Variants in TENM4 observed in about 807,000 individuals in gnomAD.
TENM4 encodes teneurin-4.
Under a neutral mutation model 243.3 loss-of-function variants are expected in TENM4, and 82 were observed. That is an observed-to-expected ratio of 0.34 (90% CI 0.28 to 0.40). The LOEUF is 0.40. TENM4 is among the 10% of genes least tolerant of loss of function. The pLI is 1.00. For missense variants in TENM4, 3,138 were observed against 3,673.3 expected, an observed-to-expected ratio of 0.85 and a Z score of 3.77; for synonymous variants, 1,412 against 1,456.3, an observed-to-expected ratio of 0.97 and a Z score of 0.69.
chr11:78,787,785 G>C (rs1229276025), intron 15 of TENM4, among the ~76,000 whole-genome samples: 1 of 152,184 alleles, frequency 6.6e-6, no homozygotes, highest in Admixed American at 6.5e-5. Flanking sequence ...TGGTTTGGAG[G>C]GGGGCCCTTC....
intron 2 of TENM4, among the ~76,000 whole-genome samples, chr11:79,254,319 C>T (rs1197908813): frequency 6.6e-6 from 1 of 152,144 alleles, no homozygotes; most frequent in East Asian, 1.9e-4. Flanking sequence ...AAATATGCAG[C>T]AGTTAACAAG....
chr11:79,290,614 T>A (rs1446079368), intron 2 of TENM4, among the ~76,000 whole-genome samples: 7 of 150,402 alleles, frequency 4.7e-5, no homozygotes, highest in Admixed American at 4.6e-4. Context: ...TCGGTGGTGA[T>A]CAGATCCTGG....
rs912902415 is a variant in TENM4, at chr11:79,283,251, A to C, written c.-265+14237T>G. ...ACACACACACACACACACACACACA[A>C]GTACAGATGAATATCTCCCAAAAAT... On this transcript the variant is annotated intron_variant, in intron 2 of 33. Coordinates refer to ENST00000278550, the MANE Select transcript of TENM4 (RefSeq NM_001098816.3). Among the ~76,000 whole-genome samples, 3 of 138,296 alleles carry C rather than the reference A, an allele frequency of 2.2e-5. No individual in the cohort carries two copies. The East Asian group carries it at 7.0e-4, about 32-fold the overall frequency. 90.7% of individuals were successfully genotyped at this position (138,296 alleles called of 152,430 possible). A position where few individuals can be genotyped will look rare whatever the true frequency, so the allele number is the denominator to read the frequency against.
At chr11:79,141,652 T>A (rs916671534) in intron 4 of TENM4, among the ~76,000 whole-genome samples, 1 of 151,926 alleles carries the variant, frequency 6.6e-6, no homozygotes, top group African/African-American at 2.4e-5. Flanking sequence ...AGGCCAATAT[T>A]ACCCTGATAC....
intron 4 of TENM4, among the ~76,000 whole-genome samples, chr11:79,133,440 C>T (rs529272960): frequency 6.6e-6 from 1 of 152,190 alleles, no homozygotes; most frequent in African/African-American, 2.4e-5. Context: ...AGAATAGGTA[C>T]CAATCCTTTT....
intron 3 of TENM4, among the ~76,000 whole-genome samples, chr11:79,155,925 C>T (rs980686771): frequency 1.3e-5 from 2 of 151,956 alleles, no homozygotes; most frequent in African/African-American, 2.4e-5. Flanking sequence ...TTTATCCCCC[C>T]ACCCTTCCCA....
At chr11:79,330,662 A>C (rs957369230) in intron 1 of TENM4, among the ~76,000 whole-genome samples, 4 of 152,218 alleles carry the variant, frequency 2.6e-5, no homozygotes, top group Non-Finnish European at 5.9e-5. Flanking sequence ...GTCGAGAGCT[A>C]TGTGGTCCAC....
chr11:79,042,483 T>A (rs1279559607), intron 6 of TENM4, among the ~76,000 whole-genome samples: 22 of 152,320 alleles, frequency 1.4e-4, no homozygotes, highest in Non-Finnish European at 1.5e-5. Flanking sequence ...AGGGAGCTTG[T>A]TTGCTCCTTC....
chr11:79,207,581 G>A (rs1565250200), intron 3 of TENM4, among the ~76,000 whole-genome samples: 1 of 152,020 alleles, frequency 6.6e-6, no homozygotes, highest in Non-Finnish European at 1.5e-5. Context: ...GATAATACAG[G>A]TGGCGGGGTG....
At chr11:79,211,441 A>G (rs950197959) in intron 3 of TENM4, among the ~76,000 whole-genome samples, 9 of 152,220 alleles carry the variant, frequency 5.9e-5, no homozygotes, top group African/African-American at 2.2e-4. Context: ...GAGGGTCCCT[A>G]AAACCTTTCA....
chr11:79,050,673 A>G (rs1015357669), intron 6 of TENM4, among the ~76,000 whole-genome samples: 1 of 152,198 alleles, frequency 6.6e-6, no homozygotes, highest in African/African-American at 2.4e-5. Context: ...CAGGAAAGCA[A>G]TTTGTTTTGT....
At chr11:79,263,110 T>C (rs1455266370) in intron 2 of TENM4, among the ~76,000 whole-genome samples, 1 of 152,200 alleles carries the variant, frequency 6.6e-6, no homozygotes, top group Non-Finnish European at 1.5e-5. Flanking sequence ...CCATCTGCTA[T>C]CTATCAGGAA....
At chr11:79,137,097 T>C (rs1862124456) in intron 4 of TENM4, among the ~76,000 whole-genome samples, 1 of 152,190 alleles carries the variant, frequency 6.6e-6, no homozygotes, top group African/African-American at 2.4e-5. Context: ...AAAATTTTAC[T>C]TCCTGTTCCT....
chr11:79,361,350 G>T (rs773731434), intron 1 of TENM4, among the ~76,000 whole-genome samples: 13 of 152,184 alleles, frequency 8.5e-5, no homozygotes, highest in Non-Finnish European at 1.8e-4. Context: ...TGCTGGACTA[G>T]TTCATGTCCC....
chr11:78,972,459 G>T (rs750153178), intron 6 of TENM4, among the ~76,000 whole-genome samples: 1 of 152,042 alleles, frequency 6.6e-6, no homozygotes, highest in Non-Finnish European at 1.5e-5. Context: ...CAGGTTTCTC[G>T]GGGACTTTAA....
At chr11:79,400,297 C>T (rs539876836) in intron 1 of TENM4, among the ~76,000 whole-genome samples, 7 of 151,942 alleles carry the variant, frequency 4.6e-5, no homozygotes, top group Admixed American at 2.6e-4. Flanking sequence ...CTCCATGGTC[C>T]GCTTCCTTAA....
intron 1 of TENM4, among the ~76,000 whole-genome samples, chr11:79,317,409 G>T (rs1465854941): frequency 6.6e-6 from 1 of 152,192 alleles, no homozygotes; most frequent in Admixed American, 6.5e-5. Context: ...TCAGGGCGCA[G>T]ACAGGCTATC....
chr11:79,344,493 A>G (rs1057505952), intron 1 of TENM4, among the ~76,000 whole-genome samples: 8 of 152,220 alleles, frequency 5.3e-5, no homozygotes, highest in African/African-American at 1.9e-4. Context: ...GTTTGGAGCT[A>G]TGGAACTTAC....
At chr11:78,696,748 G>A (rs74388866) in intron 28 of TENM4, among the ~76,000 whole-genome samples, 3,928 of 152,190 alleles carry the variant, frequency 0.026, 163 homozygotes, top group African/African-American at 0.089. Context: ...TGTTCCTGCC[G>A]TTCTCTAACT....
Sources: gnomAD v4.1 joint callset for allele counts (sites outside exome capture counted in the v4.1 genomes callset) on GRCh38, gnomAD v4.1.1 for gene constraint, MANE v1.5 for transcripts, NCBI Gene and HGNC (gene_info 2026-07-23, HGNC 2026-07-21) for gene names.